ADH7: variants seen among roughly 807,000 people sequenced by gnomAD.
ADH7 encodes the protein all-trans-retinol dehydrogenase [NAD(+)] ADH7.
In ADH7, 41 loss-of-function variants were observed where a neutral mutation model predicts 34.4. The observed-to-expected ratio is 1.19, with a 90% confidence interval of 0.93 to 1.55. The LOEUF (loss-of-function observed/expected upper bound fraction) is 1.55, where lower values mean the gene tolerates loss of function less well. Among genes scored for constraint, ADH7 ranks in the 40% most tolerant of loss-of-function variants. The pLI is 0.00. For missense variants in ADH7, 540 were observed against 461.2 expected, an observed-to-expected ratio of 1.17 and a Z score of -1.56; for synonymous variants, 180 against 160.9, an observed-to-expected ratio of 1.12 and a Z score of -0.90.
chr4:99,423,804 A>G (rs1226760322), intron 5 of ADH7, among the ~76,000 whole-genome samples: 1 of 152,170 alleles, frequency 6.6e-6, no homozygotes, highest in African/African-American at 2.4e-5. Context: ...GTAGGTTGCA[A>G]AAATTTTCCC....
At chr4:99,427,677 A>C (rs984799553) in intron 5 of ADH7, 96 bp downstream of exon 5, 2 of 918,648 alleles carry the variant, frequency 2.2e-6, no homozygotes, top group Admixed American at 3.8e-5. Context: ...CATTCTTTTA[A>C]ATGTTTTTTT....
chr4:99,420,892 C>G, intron 5 of ADH7, 99 bp from the exon 6 acceptor site: 1 of 1,080,798 alleles, frequency 9.3e-7, no homozygotes, highest in Non-Finnish European at 1.3e-6. Context: ...GAGTGAACTC[C>G]CATTCACAAT....
chr4:99,425,590 G>C (rs1303882849), intron 5 of ADH7, among the ~76,000 whole-genome samples: 1 of 152,040 alleles, frequency 6.6e-6, no homozygotes, highest in Non-Finnish European at 1.5e-5. Flanking sequence ...AAGAGACTTA[G>C]ACTCCCACAC....
chr4:99,427,751 A>G, intron 5 of ADH7, 22 bp downstream of exon 5: 1 of 1,401,650 alleles, frequency 7.1e-7, no homozygotes, highest in Non-Finnish European at 9.4e-7. Context: ...GAACAAATAA[A>G]CTAGCCTACC....
At chr4:99,427,657 A>T (rs920626679) in intron 5 of ADH7, 116 bp downstream of exon 5, 1 of 688,190 alleles carries the variant, frequency 1.5e-6, no homozygotes, top group Non-Finnish European at 2.1e-6. Flanking sequence ...GGCAGCCTGA[A>T]TATGCAATAC....
At chr4:99,419,451 T>C (rs1005280843) in intron 6 of ADH7, among the ~76,000 whole-genome samples, 1 of 152,116 alleles carries the variant, frequency 6.6e-6, no homozygotes, top group African/African-American at 2.4e-5. Flanking sequence ...TGAACCAAAC[T>C]AAATTGAATT....
chr4:99,429,777 C>G (rs925458140), intron 1 of ADH7, 144 bp from the exon 2 acceptor site: 1 of 595,100 alleles, frequency 1.7e-6, no homozygotes, highest in South Asian at 2.5e-5. Flanking sequence ...GTATTATAAG[C>G]CTTATAAATC....
At chr4:99,415,224 C>T (rs1013716566) in intron 8 of ADH7, 74 of 377,216 alleles carry the variant, frequency 2.0e-4, no homozygotes, top group African/African-American at 1.3e-3. Flanking sequence ...TTTCCTGAAG[C>T]CCCCAGCCAT....
intron 5 of ADH7, among the ~76,000 whole-genome samples, chr4:99,424,328 G>A (rs972553609): frequency 2.0e-5 from 3 of 152,182 alleles, no homozygotes; most frequent in Non-Finnish European, 4.4e-5. Flanking sequence ...CTCCAGCTTT[G>A]TTCTTTTGGC....
intron 5 of ADH7, 108 bp downstream of exon 5, chr4:99,427,663 AAT>A (rs1259190432): frequency 6.4e-6 from 5 of 784,030 alleles, no homozygotes; most frequent in Non-Finnish European, 9.0e-6. Context: ...CTGAATATGC[AAT>A]ACATTCTTTT....
rs369274718 is a variant in ADH7, at chr4:99,415,469, A to G, written c.1100+9T>C. 1.6e-5 allele frequency: 25 copies of G among 1,608,572 alleles called. No individual in the cohort carries two copies. Among genetic ancestry groups the G allele is most frequent in the Non-Finnish European group, 2.0e-5 (24 of 1,177,746 alleles). The stretch of plus-strand genomic sequence containing the variant: ...GAGAAGAGACAAGATCATCATAAGA[A>G]ACAGTTACCTTTGTCCTGAATTGAG... On this transcript the variant is annotated intron_variant, in intron 8 of 8. Transcript: ENST00000437033.
chr4:99,422,335 G>A (rs917009232), intron 5 of ADH7, among the ~76,000 whole-genome samples: 1 of 152,214 alleles, frequency 6.6e-6, no homozygotes, highest in Admixed American at 6.5e-5. Flanking sequence ...AAAAAGAAAT[G>A]AGATCATGTC....
Position 99,428,093 on chromosome 4 carries a change from C to T in ADH7, c.341G>A (p.Arg114Lys). The change falls in exon 4 of 9, where the codon AGG becomes AAG. Residue 114 changes from arginine to lysine, a missense_variant. Physicochemically the swap from Arg to Lys is conservative, Grantham distance 26. Coordinates refer to ENST00000437033, the MANE Select transcript of ADH7 (RefSeq NM_000673.7). ...CRNPDGNLCI[R>K]SDITGRGVLA... Reference sequence around the variant, plus strand: ...AAAAATGACTGAAACCTACTCGCTCCTAATGCAAAGGTTGCCATCTGGGTT... The same window carrying T: ...AAAAATGACTGAAACCTACTCGCTCTTAATGCAAAGGTTGCCATCTGGGTT... 1.2e-6 allele frequency: 2 copies of T among 1,613,944 alleles called. No homozygotes were observed. Among genetic ancestry groups the T allele is most frequent in the Non-Finnish European group, 8.5e-7 (1 of 1,179,874 alleles).
chr4:99,418,263 T>C (rs997794455), intron 7 of ADH7, among the ~76,000 whole-genome samples: 3 of 152,214 alleles, frequency 2.0e-5, no homozygotes. Context: ...CATTATGTAC[T>C]TCTCTAAGTG....
At chr4:99,433,663 T>C (rs1396083632) in intron 1 of ADH7, among the ~76,000 whole-genome samples, 1 of 152,048 alleles carries the variant, frequency 6.6e-6, no homozygotes, top group Admixed American at 6.6e-5. Context: ...GGTGTCTTTA[T>C]TAGAAGGGGA....
chr4:99,428,340 A>G lies in ADH7; in HGVS notation c.259+152T>C. ...CTAAAGGTTGAGGTTTTGCCAAATT[A>G]AACATTACTCAGTAAAATCCATTCT... On this transcript the variant is annotated intron_variant, in intron 3 of 8. Coordinates refer to ENST00000437033, the MANE Select transcript of ADH7 (RefSeq NM_000673.7). 3 of 1,231,150 alleles carry G rather than the reference A, an allele frequency of 2.4e-6. No homozygotes were observed. The South Asian group carries it at 4.4e-5, about 18-fold the overall frequency. 76.3% of individuals were successfully genotyped at this position (1,231,150 alleles called of 1,614,324 possible).
chr4:99,415,640 C>T, intron 7 of ADH7, 24 bp from the exon 8 acceptor site: 1 of 1,605,270 alleles, frequency 6.2e-7, no homozygotes, highest in Non-Finnish European at 8.5e-7. Flanking sequence ...CACATTTTCT[C>T]TTTAGACATT....
intron 2 of ADH7, 122 bp from the exon 3 acceptor site, chr4:99,428,752 C>A: frequency 7.8e-7 from 1 of 1,278,120 alleles, no homozygotes; most frequent in Non-Finnish European, 1.1e-6. Flanking sequence ...AATATAACAA[C>A]ATTTACTCTT....
chr4:99,413,067 T>C lies in ADH7; in HGVS notation c.*81A>G. The C allele has an allele frequency of 7.2e-7, 1 of 1,397,118 alleles. No individual in the cohort carries two copies. Among genetic ancestry groups the C allele is most frequent in the Non-Finnish European group, 1.0e-6 (1 of 987,878 alleles). The allele number at this position is 1,397,118 out of a possible 1,614,324, so 86.5% of individuals were successfully genotyped here. On this transcript the variant is annotated 3_prime_UTR_variant, in exon 9 of 9. Transcript: ENST00000437033. ...CTTATGCTTGTATTTGTGAGACAGA[T>C]ACATGATTTCAGATGAGGGAACTCT... is the stretch of plus-strand genomic sequence containing the variant.
Sources: gnomAD v4.1 joint callset for allele counts (sites outside exome capture counted in the v4.1 genomes callset) on GRCh38, gnomAD v4.1.1 for gene constraint, MANE v1.5 for transcripts, NCBI Gene and HGNC (gene_info 2026-07-23, HGNC 2026-07-21) for gene names.